Variants in PTCHD4 observed in about 807,000 individuals in gnomAD.
PTCHD4 encodes the protein patched domain-containing protein 4.
PTCHD4 carries 33 observed loss-of-function variants against 58.1 expected under a neutral mutation model. That is an observed-to-expected ratio of 0.57 (90% CI 0.43 to 0.76). PTCHD4 has a LOEUF of 0.76. PTCHD4 is among the 30% of genes least tolerant of loss of function. PTCHD4 has a pLI of 0.00. For synonymous variants in PTCHD4, 478 were observed against 409.6 expected, an observed-to-expected ratio of 1.17 and a Z score of -2.02; for missense variants, 1,058 against 1,027.1, an observed-to-expected ratio of 1.03 and a Z score of -0.41.
intron 1 of PTCHD4, among the ~76,000 whole-genome samples, chr6:48,092,873 TTATCAGTA>T (rs889921786): frequency 5.1e-4 from 77 of 152,308 alleles, no homozygotes; most frequent in African/African-American, 1.8e-3. Context: ...CACGAACATA[TTATCAGTA>T]TATCATGTTA....
At chr6:47,929,145 T>C (rs1017440426) in intron 4 of PTCHD4, among the ~76,000 whole-genome samples, 2 of 152,146 alleles carry the variant, frequency 1.3e-5, no homozygotes, top group African/African-American at 4.8e-5. Context: ...TATATTGATA[T>C]GTAAAATCTG....
At chr6:47,962,698 G>A (rs560182173) in intron 4 of PTCHD4, among the ~76,000 whole-genome samples, 94 of 152,230 alleles carry the variant, frequency 6.2e-4, no homozygotes, top group African/African-American at 2.2e-3. Context: ...GCTGAACTGT[G>A]AGTCAATTAA....
intron 3 of PTCHD4, among the ~76,000 whole-genome samples, chr6:48,044,931 A>T (rs941176054): frequency 1.7e-4 from 26 of 151,848 alleles, no homozygotes; most frequent in Non-Finnish European, 5.9e-5. Flanking sequence ...AGCCGAATTT[A>T]TATCTTAGTG....
rs543967340 is a variant in PTCHD4 at position 48,091,432 on chromosome 6, T to C, written c.-970+19617A>G. 1.6e-3 allele frequency among the ~76,000 whole-genome samples: 236 copies of C among 152,252 alleles called. 1 individual carries two copies. Among genetic ancestry groups the C allele is most frequent in the African/African-American group, 5.5e-3 (230 of 41,554 alleles). ...CCCAGACCTTCTGAATCAGAATCTC[T>C]GCAAAATTAGAATTTCTTCAGGTAA... On this transcript the variant is annotated intron_variant, in intron 1 of 4. Transcript: ENST00000339488.
At chr6:48,027,931 G>GT (rs1053020914) in intron 3 of PTCHD4, among the ~76,000 whole-genome samples, 3 of 151,880 alleles carry the variant, frequency 2.0e-5, no homozygotes, top group African/African-American at 7.2e-5. Flanking sequence ...CCAGGATGTG[G>GT]TTTTTTTGTT....
intron 3 of PTCHD4, among the ~76,000 whole-genome samples, chr6:48,021,839 C>T (rs574934017): frequency 1.3e-5 from 2 of 152,096 alleles, no homozygotes; most frequent in Non-Finnish European, 2.9e-5. Flanking sequence ...TTGTCTTTTA[C>T]TGTTGTTCTC....
At chr6:48,095,797 T>C (rs1396826624) in intron 1 of PTCHD4, among the ~76,000 whole-genome samples, 5 of 151,550 alleles carry the variant, frequency 3.3e-5, no homozygotes, top group Admixed American at 3.3e-4. Context: ...GTGAAATTCA[T>C]TGGTAGAGAG....
Position 47,932,123 on chromosome 6 carries a change from T to G in PTCHD4, c.899-52187A>C, listed in dbSNP as rs1042261402. 3.9e-5 allele frequency among the ~76,000 whole-genome samples: 6 copies of G among 152,160 alleles called. No homozygotes were observed. The East Asian group carries it at 1.2e-3, about 29-fold the overall frequency. On this transcript the variant is annotated intron_variant, in intron 4 of 4. Coordinates refer to ENST00000339488, the MANE Select transcript of PTCHD4 (RefSeq NM_001384253.1). ...CTCCTGCTTAGCTTGCATTCTCTGC[T>G]CTCCACTGAAGAATCCCCAGGGTGT...
At chr6:47,920,249 C>T (rs1173161215) in intron 4 of PTCHD4, among the ~76,000 whole-genome samples, 1 of 151,904 alleles carries the variant, frequency 6.6e-6, no homozygotes, top group Admixed American at 6.6e-5. Context: ...GAAAGTGGGT[C>T]AAATAGAACT....
intron 1 of PTCHD4, among the ~76,000 whole-genome samples, chr6:48,104,309 A>G (rs991931876): frequency 1.3e-5 from 2 of 152,072 alleles, no homozygotes; most frequent in Admixed American, 6.5e-5. Flanking sequence ...ACATTCTTAA[A>G]GAAAAGAATT....
At chr6:48,074,194 T>G (rs188073331) in intron 1 of PTCHD4, among the ~76,000 whole-genome samples, 50 of 152,078 alleles carry the variant, frequency 3.3e-4, no homozygotes, top group Non-Finnish European at 6.9e-4. Context: ...TTAGAGGCAA[T>G]TTTGGTCTTT....
intron 4 of PTCHD4, among the ~76,000 whole-genome samples, chr6:47,930,489 C>T (rs1006421894): frequency 3.3e-5 from 5 of 152,142 alleles, no homozygotes; most frequent in Non-Finnish European, 5.9e-5. Flanking sequence ...CACTATATTT[C>T]TATGTATTCC....
chr6:48,094,040 A>T (rs1392810915), intron 1 of PTCHD4, among the ~76,000 whole-genome samples: 1 of 152,186 alleles, frequency 6.6e-6, no homozygotes, highest in East Asian at 1.9e-4. Flanking sequence ...TTGTTATGGG[A>T]ACACATAGAA....
intron 4 of PTCHD4, among the ~76,000 whole-genome samples, chr6:47,916,991 T>C (rs1298112129): frequency 2.0e-5 from 3 of 152,250 alleles, no homozygotes; most frequent in South Asian, 2.1e-4. Flanking sequence ...TGCTTATTTG[T>C]CTATAGAGAT....
rs181896910 is a variant in PTCHD4 at position 48,100,471 on chromosome 6, C to T, written c.-970+10578G>A. On this transcript the variant is annotated intron_variant, in intron 1 of 4. Transcript: ENST00000339488. ...TCCCAAGCAACAGTAACTGTTCTAA[C>T]GTGATCAAAACCAAGTTCATCTGAA... Among the ~76,000 whole-genome samples, 42 of 152,228 alleles carry T rather than the reference C, an allele frequency of 2.8e-4. 1 individual carries two copies. In the East Asian group the frequency reaches 4.6e-3, roughly 17 times the overall value.
intron 4 of PTCHD4, among the ~76,000 whole-genome samples, chr6:47,936,924 G>A (rs72867980): frequency 0.054 from 8,288 of 152,306 alleles, 303 homozygotes; most frequent in Non-Finnish European, 0.081. Context: ...TAGAAAAGGT[G>A]AGTGAATTAA....
Position 48,068,928 on chromosome 6 carries a change from C to A in PTCHD4, c.5+25G>T, listed in dbSNP as rs1345477617. Among the ~76,000 whole-genome samples the A allele has an allele frequency of 6.6e-6, 1 of 151,624 alleles. No homozygotes were observed. The highest frequency in any genetic ancestry group is 2.4e-5 in the African/African-American group (1 of 41,310). ...CCCCTCCCCGGTCTCCCCGCGCCCTCGCCGCCTCCCGCGCTGGCTCTCACC... is the reference window on the plus strand; with the variant it reads ...CCCCTCCCCGGTCTCCCCGCGCCCTAGCCGCCTCCCGCGCTGGCTCTCACC... On this transcript the variant is annotated intron_variant, in intron 2 of 4. Coordinates refer to ENST00000339488, the MANE Select transcript of PTCHD4 (RefSeq NM_001384253.1). The surrounding 1 kb of genome is among the most constrained non-coding windows in gnomAD (Gnocchi z 4.2).
intron 4 of PTCHD4, among the ~76,000 whole-genome samples, chr6:47,885,238 T>C (rs1764153699): frequency 6.6e-6 from 1 of 151,768 alleles, no homozygotes; most frequent in Admixed American, 6.6e-5. Flanking sequence ...GGGAGAAAAA[T>C]TCAAGGAGGG....
Position 48,064,394 on chromosome 6 carries a change from A to G in PTCHD4, c.417+3836T>C, listed in dbSNP as rs75664167. Among the ~76,000 whole-genome samples the G allele has an allele frequency of 4.7e-3, 722 of 152,266 alleles. 9 individuals are homozygous for G. Among genetic ancestry groups the G allele is most frequent in the African/African-American group, 0.017 (694 of 41,562 alleles). ...GACCTCCTTGAATGATAATGAAAAC[A>G]TTTCTTAGAGTCCAGAAAAGTCGTT... On this transcript the variant is annotated intron_variant, in intron 3 of 4. Coordinates refer to ENST00000339488, the MANE Select transcript of PTCHD4 (RefSeq NM_001384253.1).
Sources: allele counts gnomAD v4.1 joint callset (sites outside exome capture counted in the v4.1 genomes callset), GRCh38; gene constraint gnomAD v4.1.1; non-coding constraint Gnocchi (gnomAD v3.1); transcripts MANE v1.5; gene names NCBI Gene and HGNC (gene_info 2026-07-23, HGNC 2026-07-21).